SOX6: variants seen among roughly 807,000 people sequenced by gnomAD.
SOX6 encodes the protein transcription factor SOX-6.
Under a neutral mutation model 97.8 loss-of-function variants are expected in SOX6, and 11 were observed. That is an observed-to-expected ratio of 0.11 (90% CI 0.07 to 0.19). The LOEUF (loss-of-function observed/expected upper bound fraction) is 0.19, where lower values mean the gene tolerates loss of function less well. Ranked by LOEUF, SOX6 falls within the 10% of genes least tolerant of loss-of-function variation. SOX6 has a pLI of 1.00. For synonymous variants in SOX6, 360 were observed against 371.4 expected (o/e 0.97, Z 0.35); for missense variants, 810 against 1,039.5 (o/e 0.78, Z 3.04).
At chr11:16,015,229 C>T (rs1373992960) in intron 12 of SOX6, 179 bp from the exon 13 acceptor site, 2 of 646,416 alleles carry the variant, frequency 3.1e-6, no homozygotes, top group African/African-American at 1.8e-5. Context: ...ATGGACAGCA[C>T]TGACAGCATC....
chr11:16,125,257 CATTTCAATGAA>C (rs1307040545), intron 6 of SOX6, among the ~76,000 whole-genome samples: 8 of 152,082 alleles, frequency 5.3e-5, no homozygotes, highest in African/African-American at 1.7e-4. Context: ...TATCAAATAA[CATTTCAATGAA>C]ATTTCAATGA....
At chr11:16,143,914 C>G (rs971693032) in intron 6 of SOX6, among the ~76,000 whole-genome samples, 31 of 152,276 alleles carry the variant, frequency 2.0e-4, no homozygotes, top group African/African-American at 7.2e-4. Context: ...GAAACTTTAA[C>G]ACCCCACTGT....
intron 4 of SOX6, among the ~76,000 whole-genome samples, chr11:16,504,929 C>G (rs189998532): frequency 2.0e-5 from 3 of 152,188 alleles, no homozygotes; most frequent in Non-Finnish European, 4.4e-5. Context: ...AAATCCTGTA[C>G]AGCCCACAGA....
chr11:16,346,451 T>A (rs1002896947), intron 1 of SOX6, among the ~76,000 whole-genome samples: 17 of 152,026 alleles, frequency 1.1e-4, no homozygotes, highest in African/African-American at 3.9e-4. Context: ...GACATTAAAA[T>A]GAAGACATTC....
rs530290970 is a variant in SOX6 at position 16,304,304 on chromosome 11, C to T, written c.445+14142G>A. ...AAAATTTGTATGTTGAAACCCAGTA[C>T]CCAATGTGGTAGTATTAAGAGATGG... On this transcript the variant is annotated intron_variant, in intron 3 of 15. Transcript: ENST00000683767. 1.5e-4 allele frequency among the ~76,000 whole-genome samples: 23 copies of T among 152,186 alleles called. No homozygotes were observed. The South Asian group carries it at 3.1e-3, about 21-fold the overall frequency.
chr11:16,530,988 T>TAA (rs1295619375), intron 4 of SOX6, among the ~76,000 whole-genome samples: 1 of 147,580 alleles, frequency 6.8e-6, no homozygotes, highest in African/African-American at 2.5e-5. Flanking sequence ...TAAATATATA[T>TAA]AATGTTAAAA....
At chr11:16,394,563 C>A (rs1445947604) in intron 1 of SOX6, among the ~76,000 whole-genome samples, 1 of 151,868 alleles carries the variant, frequency 6.6e-6, no homozygotes, top group Non-Finnish European at 1.5e-5. Flanking sequence ...CTCAGACTGA[C>A]TTCATTTTCT....
At chr11:16,405,464 G>C (rs181399652) in intron 1 of SOX6, among the ~76,000 whole-genome samples, 164 of 152,118 alleles carry the variant, frequency 1.1e-3, no homozygotes, top group Admixed American at 1.9e-3. Flanking sequence ...TACAGCTTCA[G>C]ATGAATGGAG....
At chr11:16,366,192 T>A (rs1161957269) in intron 1 of SOX6, among the ~76,000 whole-genome samples, 1 of 152,168 alleles carries the variant, frequency 6.6e-6, no homozygotes, top group Non-Finnish European at 1.5e-5. Flanking sequence ...AGAATGTCCT[T>A]TGGGATTAGA....
intron 4 of SOX6, among the ~76,000 whole-genome samples, chr11:16,485,943 G>A (rs1590220263): frequency 1.1e-3 from 1 of 942 alleles, no homozygotes; most frequent in Non-Finnish European, 3.2e-3. Flanking sequence ...GAGGGGAGAG[G>A]AGGGGAGGGG....
chr11:16,154,115 T>C (rs1341373759), intron 6 of SOX6, among the ~76,000 whole-genome samples: 1 of 152,158 alleles, frequency 6.6e-6, no homozygotes, highest in African/African-American at 2.4e-5. Flanking sequence ...ACCTGTTTCC[T>C]ATGTTTTGAC....
intron 3 of SOX6, among the ~76,000 whole-genome samples, chr11:16,309,297 T>C (rs1178885835): frequency 6.6e-6 from 1 of 152,124 alleles, no homozygotes; most frequent in Non-Finnish European, 1.5e-5. Flanking sequence ...CAGGAGAATA[T>C]ACTGCTATAT....
intron 1 of SOX6, among the ~76,000 whole-genome samples, chr11:16,375,554 C>T (rs554757236): frequency 1.1e-4 from 16 of 151,304 alleles, no homozygotes; most frequent in African/African-American, 3.9e-4. Flanking sequence ...TTCACTAAAA[C>T]TCTAAAGTTG....
chr11:16,644,246 C>T (rs1438669228), intron 3 of SOX6, among the ~76,000 whole-genome samples: 1 of 152,122 alleles, frequency 6.6e-6, no homozygotes, highest in African/African-American at 2.4e-5. Flanking sequence ...CACCTTGTTG[C>T]CCATGCTGGT....
At chr11:16,249,403 A>T (rs1853441690) in intron 3 of SOX6, among the ~76,000 whole-genome samples, 1 of 152,196 alleles carries the variant, frequency 6.6e-6, no homozygotes, top group Non-Finnish European at 1.5e-5. Context: ...GTTCCCAACA[A>T]GTTCCTTATC....
intron 3 of SOX6, among the ~76,000 whole-genome samples, chr11:16,635,022 T>C (rs1240316655): frequency 2.0e-5 from 3 of 152,218 alleles, no homozygotes; most frequent in Non-Finnish European, 2.9e-5. Flanking sequence ...AGGCCTCCTC[T>C]GCCCTGCAGA....
At chr11:16,306,626 T>C (rs866470622) in intron 3 of SOX6, among the ~76,000 whole-genome samples, 99 of 131,726 alleles carry the variant, frequency 7.5e-4, no homozygotes, top group African/African-American at 1.3e-3. Flanking sequence ...TTTTTTTTTT[T>C]CTTTTTTTTT....
Position 16,642,581 on chromosome 11 carries a change from T to G in SOX6, n.430-30321A>C, listed in dbSNP as rs1048065335. Among the ~76,000 whole-genome samples, 4 of 152,252 alleles carry G rather than the reference T, an allele frequency of 2.6e-5. No homozygotes were observed. The East Asian group carries it at 7.7e-4, about 29-fold the overall frequency. ...CAGACGTAGATTTGGTCTTTTCACA[T>G]AGCCCATATTTCTTGGAGGCTTTGT... On this transcript the variant is annotated intron_variant and non_coding_transcript_variant, in intron 3 of 5. Transcript: ENST00000524520.
At chr11:16,664,305 G>A (rs1847788901) in intron 3 of SOX6, among the ~76,000 whole-genome samples, 1 of 152,204 alleles carries the variant, frequency 6.6e-6, no homozygotes, top group African/African-American at 2.4e-5. Context: ...GGAAAAGCCA[G>A]TCTTGAATTG....
Sources: gnomAD v4.1 joint callset for allele counts (sites outside exome capture counted in the v4.1 genomes callset) on GRCh38, gnomAD v4.1.1 for gene constraint, MANE v1.5 for transcripts, NCBI Gene and HGNC (gene_info 2026-07-23, HGNC 2026-07-21) for gene names.